The following KCNH1 variants were observed in gnomAD, a reference collection of about 807,000 sequenced individuals.
KCNH1 encodes voltage-gated delayed rectifier potassium channel KCNH1.
KCNH1 carries 27 observed loss-of-function variants against 69.2 expected under a neutral mutation model. That is an observed-to-expected ratio of 0.39 (90% CI 0.29 to 0.54). KCNH1 has a LOEUF of 0.54. Among genes scored for constraint, KCNH1 ranks in the 20% least tolerant of loss-of-function variants. The pLI, the probability that KCNH1 is intolerant of heterozygous loss-of-function variation, is 0.68. For missense variants in KCNH1, 798 were observed against 1,261.6 expected, an observed-to-expected ratio of 0.63 and a Z score of 5.57; for synonymous variants, 456 against 487.7, an observed-to-expected ratio of 0.93 and a Z score of 0.86.
intron 10 of KCNH1, among the ~76,000 whole-genome samples, chr1:210,743,323 G>T (rs9429846): frequency 0.65 from 98,267 of 151,924 alleles, 32,788 homozygotes; most frequent in East Asian, 0.87. Flanking sequence ...ACAATGAAGG[G>T]GAGAGCAGCT....
chr1:211,045,776 T>G (rs1043169012), intron 5 of KCNH1, among the ~76,000 whole-genome samples: 1 of 152,216 alleles, frequency 6.6e-6, no homozygotes, highest in African/African-American at 2.4e-5. Flanking sequence ...ATACTATATA[T>G]CTCTAGGACT....
intron 7 of KCNH1, among the ~76,000 whole-genome samples, chr1:210,850,774 C>T (rs1272632527): frequency 6.6e-6 from 1 of 152,136 alleles, no homozygotes; most frequent in Admixed American, 6.5e-5. Context: ...GTGAAAGCCA[C>T]AATAAAGCTT....
chr1:210,766,146 T>C (rs1000125927), intron 10 of KCNH1, among the ~76,000 whole-genome samples: 1 of 152,200 alleles, frequency 6.6e-6, no homozygotes, highest in African/African-American at 2.4e-5. Flanking sequence ...TTGTATATTT[T>C]TGTTGGTTGG....
chr1:210,695,093 A>G (rs549997239), intron 10 of KCNH1, among the ~76,000 whole-genome samples: 5 of 152,238 alleles, frequency 3.3e-5, no homozygotes, highest in Non-Finnish European at 7.3e-5. Flanking sequence ...TCTCTTTAGA[A>G]TGCTGACACT....
In KCNH1 at chr1:210,825,037, C is replaced by G. The variant is rs545220307; in HGVS notation, c.1463-20871G>C. 7.9e-5 allele frequency among the ~76,000 whole-genome samples: 12 copies of G among 152,276 alleles called. No individual in the cohort carries two copies. In the South Asian group the frequency reaches 2.3e-3, roughly 29 times the overall value. ...AGTGGCAGATAACAGTTTTTCATCACTCTAATTTTTGCTTGAAAGCCTTAA... is the reference window on the plus strand; with the variant it reads ...AGTGGCAGATAACAGTTTTTCATCAGTCTAATTTTTGCTTGAAAGCCTTAA... On this transcript the variant is annotated intron_variant, in intron 7 of 10. Transcript: ENST00000271751.
chr1:210,780,057 G>A lies in KCNH1; in HGVS notation c.1916-4513C>T, dbSNP rs574380939. ...AGCCAGCCACTTGAGAAAGCTGAAG[G>A]TGGGTGGGTAGGGTGAAATGGGATT... is the stretch of plus-strand genomic sequence containing the variant. On this transcript the variant is annotated intron_variant, in intron 9 of 10. Coordinates refer to ENST00000271751, the MANE Select transcript of KCNH1 (RefSeq NM_172362.3). 5.3e-5 allele frequency among the ~76,000 whole-genome samples: 8 copies of A among 152,326 alleles called. No homozygotes were observed. The East Asian group carries it at 1.4e-3, about 26-fold the overall frequency.
At chr1:210,793,242 A>G (rs1684245209) in intron 9 of KCNH1, among the ~76,000 whole-genome samples, 1 of 152,212 alleles carries the variant, frequency 6.6e-6, no homozygotes. Flanking sequence ...CTGTCCTCAG[A>G]GAACATCATC....
chr1:211,107,103 A>G (rs1691359992), intron 2 of KCNH1, 151 bp downstream of exon 2: 2 of 786,714 alleles, frequency 2.5e-6, no homozygotes, highest in African/African-American at 1.7e-5. Flanking sequence ...TTCCCTGTAC[A>G]GTACATGAAC....
rs189006129 is a variant in KCNH1 at position 210,748,430 on chromosome 1, C to A, written c.2112+26918G>T. On this transcript the variant is annotated intron_variant, in intron 10 of 10. Transcript: ENST00000271751. ...ACAGAACTCCCAAACCATAATCCCT[C>A]TCCTCGAAATCCTTAAGATTTATTT... Among the ~76,000 whole-genome samples the A allele has an allele frequency of 4.6e-3, 700 of 152,306 alleles. 2 individuals carry two copies. Among genetic ancestry groups the A allele is most frequent in the African/African-American group, 0.016 (672 of 41,550 alleles).
chr1:210,975,157 C>G (rs1438751182), intron 6 of KCNH1, among the ~76,000 whole-genome samples: 1 of 152,090 alleles, frequency 6.6e-6, no homozygotes, highest in Non-Finnish European at 1.5e-5. Flanking sequence ...CTGCTAGCAA[C>G]CAGTTTTACC....
At chr1:210,894,154 G>T (rs1686809691) in intron 7 of KCNH1, among the ~76,000 whole-genome samples, 1 of 152,108 alleles carries the variant, frequency 6.6e-6, no homozygotes, top group Admixed American at 6.6e-5. Flanking sequence ...TTGTGAATAG[G>T]ACTTTTGGGG....
intron 6 of KCNH1, among the ~76,000 whole-genome samples, chr1:210,954,687 G>A (rs1190324103): frequency 6.6e-6 from 1 of 152,186 alleles, no homozygotes; most frequent in Non-Finnish European, 1.5e-5. Context: ...GTGTCCGTTG[G>A]CTGCACAAAT....
At chr1:211,131,747 T>C (rs540746482) in intron 1 of KCNH1, among the ~76,000 whole-genome samples, 3 of 152,334 alleles carry the variant, frequency 2.0e-5, no homozygotes, top group African/African-American at 7.2e-5. Flanking sequence ...CTTTTAAACA[T>C]TGAGTCCCAT....
intron 6 of KCNH1, among the ~76,000 whole-genome samples, chr1:210,927,881 A>C (rs1687605098): frequency 6.6e-6 from 1 of 152,180 alleles, no homozygotes; most frequent in African/African-American, 2.4e-5. Context: ...TTCTATGAAA[A>C]TGGACAACAA....
intron 10 of KCNH1, among the ~76,000 whole-genome samples, chr1:210,731,786 T>C (rs893224328): frequency 2.6e-5 from 4 of 152,202 alleles, no homozygotes; most frequent in Admixed American, 6.5e-5. Context: ...CCACAAACCA[T>C]TACCTGAATA....
At position 210,679,843 on chromosome 1, in the gene KCNH1, T is replaced by C. The variant is rs367580032; in HGVS notation, c.*3438A>G. ...AGTAAGAAATGCATTTCCAAAAGTT[T>C]GCTGGAAGGCTGCTAAATGGGCTCA... On this transcript the variant is annotated 3_prime_UTR_variant, in exon 11 of 11. Coordinates refer to ENST00000271751, the MANE Select transcript of KCNH1 (RefSeq NM_172362.3). 13 of 152,334 alleles carry C rather than the reference T, an allele frequency of 8.5e-5. 1 individual carries two copies. The East Asian group carries it at 2.5e-3, about 29-fold the overall frequency. 9.4% of individuals were successfully genotyped at this position (152,334 alleles called of 1,614,324 possible).
chr1:210,877,332 C>T (rs1686398616), intron 7 of KCNH1, among the ~76,000 whole-genome samples: 1 of 152,140 alleles, frequency 6.6e-6, no homozygotes, highest in African/African-American at 2.4e-5. Context: ...CAGAAAGTCT[C>T]ATAGGTGTAT....
intron 10 of KCNH1, among the ~76,000 whole-genome samples, chr1:210,731,673 C>A (rs1200411670): frequency 6.6e-6 from 1 of 152,190 alleles, no homozygotes; most frequent in East Asian, 1.9e-4. Context: ...TAAATTACCT[C>A]TTTAAAAACA....
intron 3 of KCNH1, among the ~76,000 whole-genome samples, chr1:211,096,044 T>G (rs557910989): frequency 6.6e-6 from 1 of 151,198 alleles, no homozygotes; most frequent in Non-Finnish European, 1.5e-5. Context: ...TTTAAAAGTA[T>G]CACTTTATTT....
Sources: allele counts gnomAD v4.1 joint callset (sites outside exome capture counted in the v4.1 genomes callset), GRCh38; gene constraint gnomAD v4.1.1; transcripts MANE v1.5; gene names NCBI Gene and HGNC (gene_info 2026-07-23, HGNC 2026-07-21).